RBM47: variants seen among roughly 807,000 people sequenced by gnomAD.
RBM47 encodes the protein RNA-binding protein 47.
A neutral mutation model predicts 47.1 loss-of-function variants in RBM47; 21 were observed. That is an observed-to-expected ratio of 0.45 (90% CI 0.32 to 0.64). The LOEUF (loss-of-function observed/expected upper bound fraction) is 0.64, where lower values mean the gene tolerates loss of function less well. Among genes scored for constraint, RBM47 ranks in the 30% least tolerant of loss-of-function variants. The pLI is 0.05. For missense variants in RBM47, 708 were observed against 870.9 expected (o/e 0.81, Z 2.35); for synonymous variants, 375 against 361.7 (o/e 1.04, Z -0.42).
At chr4:40,557,224 A>G (rs771031243) in intron 1 of RBM47, among the ~76,000 whole-genome samples, 12 of 152,148 alleles carry the variant, frequency 7.9e-5, no homozygotes, top group Non-Finnish European at 1.0e-4. Context: ...AGCCTTCCCC[A>G]ATGCCCAAAG....
At position 40,556,066 on chromosome 4, in the gene RBM47, G is replaced by C. The variant is rs974474397; in HGVS notation, c.-239-11560C>G. 3.4e-5 allele frequency among the ~76,000 whole-genome samples: 5 copies of C among 148,730 alleles called. 1 individual carries two copies. The Admixed American group carries it at 3.4e-4, about 10-fold the overall frequency. ...TTTTTTTTTTTTTGAGACAGAGTCT[G>C]GCTCTGTCGCGCAGGCTGGAGTGCG... On this transcript the variant is annotated intron_variant, in intron 1 of 6. Transcript: ENST00000295971.
At chr4:40,517,506 G>C (rs1356099330) in intron 2 of RBM47, among the ~76,000 whole-genome samples, 1 of 152,048 alleles carries the variant, frequency 6.6e-6, no homozygotes, top group Admixed American at 6.6e-5. Context: ...ATGCCTTACT[G>C]TTCAGAAATA....
At chr4:40,443,533 C>T (rs1417941135) in intron 3 of RBM47, among the ~76,000 whole-genome samples, 1 of 151,690 alleles carries the variant, frequency 6.6e-6, no homozygotes, top group Non-Finnish European at 1.5e-5. Context: ...GCCTGACCAA[C>T]ATGGAGAAAC....
rs182319094 is a variant in RBM47 at position 40,504,099 on chromosome 4, G to T, written c.-154-37400C>A. Among the ~76,000 whole-genome samples the T allele has an allele frequency of 1.8e-3, 267 of 152,206 alleles. 3 individuals are homozygous for T. Among genetic ancestry groups the T allele is most frequent in the African/African-American group, 5.8e-3 (242 of 41,518 alleles). On this transcript the variant is annotated intron_variant, in intron 2 of 6. Coordinates refer to ENST00000295971, the MANE Select transcript of RBM47 (RefSeq NM_001098634.2). ...AGAGTGCTCAGATTCTTCAGGGATG[G>T]TTTTCTATTTTGCATTCTTTCTTTG...
At chr4:40,497,283 C>T (rs1379899518) in intron 2 of RBM47, among the ~76,000 whole-genome samples, 2 of 152,030 alleles carry the variant, frequency 1.3e-5, no homozygotes, top group Admixed American at 6.6e-5. Flanking sequence ...AGTTCATATC[C>T]TTCTAATATC....
At chr4:40,458,662 A>G (rs1483812017) in intron 3 of RBM47, among the ~76,000 whole-genome samples, 2 of 152,232 alleles carry the variant, frequency 1.3e-5, no homozygotes, top group East Asian at 3.8e-4. Flanking sequence ...GACAAAATGC[A>G]TTAAATACAA....
chr4:40,466,622 C>A lies in RBM47; in HGVS notation c.-77G>T, dbSNP rs530587807. ...GTCTGGTCCTTTATAAGTCGCAGAACGAGAGTATACAGGCAAATTCAGGCA... is the reference window on the plus strand; with the variant it reads ...GTCTGGTCCTTTATAAGTCGCAGAAAGAGAGTATACAGGCAAATTCAGGCA... On this transcript the variant is annotated 5_prime_UTR_variant, in exon 3 of 7. Transcript: ENST00000295971. 6.6e-6 allele frequency: 1 copy of A among 152,100 alleles called. No individual in the cohort carries two copies. The highest frequency in any genetic ancestry group is 2.1e-4 in the South Asian group (1 of 4,818). The allele number at this position is 152,100 out of a possible 1,614,324, so 9.4% of individuals were successfully genotyped here.
At chr4:40,527,631 T>C (rs751935678) in intron 2 of RBM47, among the ~76,000 whole-genome samples, 22 of 151,586 alleles carry the variant, frequency 1.5e-4, no homozygotes, top group Non-Finnish European at 2.6e-4. Context: ...TTCACCATGT[T>C]GGCCAGGCTG....
chr4:40,455,793 G>C (rs2154220371), intron 3 of RBM47, among the ~76,000 whole-genome samples: 1 of 152,270 alleles, frequency 6.6e-6, no homozygotes, highest in African/African-American at 2.4e-5. Flanking sequence ...AAAGTACCTG[G>C]CTACAGTAAA....
At chr4:40,495,566 C>T (rs1277567244) in intron 2 of RBM47, among the ~76,000 whole-genome samples, 5 of 151,850 alleles carry the variant, frequency 3.3e-5, no homozygotes, top group African/African-American at 4.8e-5. Flanking sequence ...CACACCACTG[C>T]ACTCCAGCCT....
chr4:40,487,392 T>A (rs1175306206), intron 2 of RBM47, among the ~76,000 whole-genome samples: 5 of 152,074 alleles, frequency 3.3e-5, no homozygotes, highest in South Asian at 2.1e-4. Flanking sequence ...ACCTCCCAGG[T>A]TCAAGTGATT....
chr4:40,495,066 T>A (rs1414729903), intron 2 of RBM47, among the ~76,000 whole-genome samples: 1 of 152,172 alleles, frequency 6.6e-6, no homozygotes, highest in African/African-American at 2.4e-5. Context: ...CTCAGCCTCC[T>A]GAGCAGCTGG....
At chr4:40,559,440 A>AT (rs1730406716) in intron 1 of RBM47, among the ~76,000 whole-genome samples, 1 of 152,220 alleles carries the variant, frequency 6.6e-6, no homozygotes, top group Non-Finnish European at 1.5e-5. Flanking sequence ...GAGAAGCTGC[A>AT]TTTTCTCCCT....
intron 2 of RBM47, among the ~76,000 whole-genome samples, chr4:40,534,748 C>T (rs1012281510): frequency 5.3e-5 from 8 of 152,054 alleles, no homozygotes; most frequent in African/African-American, 1.9e-4. Flanking sequence ...TCCTGGCTAA[C>T]ACGGTGAAAC....
Position 40,426,122 on chromosome 4 carries a change from A to T in RBM47, c.1564T>A (p.Tyr522Asn). Residue 522 changes from tyrosine to asparagine, a missense_variant, in exon 7 of 7, where the codon TAC (tyrosine) becomes AAC (asparagine). Coordinates refer to ENST00000295971, the MANE Select transcript of RBM47 (RefSeq NM_001098634.2). ...CTCTGAACGTTTGGAGCCACCGTGTATACTGGAGTTATTGGGCGGCCCTGA... is the reference window on the plus strand; with the variant it reads ...CTCTGAACGTTTGGAGCCACCGTGTTTACTGGAGTTATTGGGCGGCCCTGA... ...PFQGRPITPV[Y>N]TVAPNVQRIP... The T allele has an allele frequency of 1.9e-6, 3 of 1,614,154 alleles. No homozygotes were observed. Among genetic ancestry groups the T allele is most frequent in the Non-Finnish European group, 2.5e-6 (3 of 1,180,026 alleles).
intron 5 of RBM47, among the ~76,000 whole-genome samples, chr4:40,436,165 C>T: frequency 7.0e-6 from 1 of 142,158 alleles, no homozygotes. Flanking sequence ...GAGCGAGACT[C>T]TGTCTCAAAA....
intron 1 of RBM47, among the ~76,000 whole-genome samples, chr4:40,556,976 G>A (rs919674239): frequency 7.0e-6 from 1 of 143,628 alleles, no homozygotes; most frequent in African/African-American, 2.5e-5. Context: ...GTGTTGGGGG[G>A]CACGTTGGGG....
rs77572610 is a variant in RBM47 at position 40,597,622 on chromosome 4, A to G, written c.-240+31774T>C. 3.3e-3 allele frequency among the ~76,000 whole-genome samples: 504 copies of G among 152,374 alleles called. 3 individuals carry two copies. The highest frequency in any genetic ancestry group is 0.012 in the African/African-American group (486 of 41,592). Reference sequence around the variant, plus strand: ...TAAATATTTATATATTCATATAGGTATTAAATATGTATTCATTTAAATGAA... The same window carrying G: ...TAAATATTTATATATTCATATAGGTGTTAAATATGTATTCATTTAAATGAA... On this transcript the variant is annotated intron_variant, in intron 1 of 6. Transcript: ENST00000295971.
rs140740203 is a variant in RBM47 at position 40,480,205 on chromosome 4, T to G, written c.-154-13506A>C. 9.1e-4 allele frequency among the ~76,000 whole-genome samples: 139 copies of G among 152,224 alleles called. 1 individual carries two copies. The East Asian group carries it at 0.024, about 27-fold the overall frequency. The stretch of plus-strand genomic sequence containing the variant: ...GTTGGTCAGGCTGGTCTCGAACTCC[T>G]GACCTCAGGTGATCCATCTGCCTCG... On this transcript the variant is annotated intron_variant, in intron 2 of 6. Coordinates refer to ENST00000295971, the MANE Select transcript of RBM47 (RefSeq NM_001098634.2).
Sources: allele counts gnomAD v4.1 joint callset (sites outside exome capture counted in the v4.1 genomes callset), GRCh38; gene constraint gnomAD v4.1.1; transcripts MANE v1.5; gene names NCBI Gene and HGNC (gene_info 2026-07-23, HGNC 2026-07-21).